RIMS2: variants seen among roughly 807,000 people sequenced by gnomAD.
The protein encoded by RIMS2 is regulating synaptic membrane exocytosis protein 2.
RIMS2 carries 59 observed loss-of-function variants against 174.4 expected under a neutral mutation model. The observed-to-expected ratio is 0.34, with a 90% CI of 0.27 to 0.42. RIMS2 has a LOEUF of 0.42. RIMS2 is among the 10% of genes least tolerant of loss of function. The pLI is 1.00. For synonymous variants in RIMS2, 606 were observed against 572.5 expected (o/e 1.06, Z -0.84); for missense variants, 1,620 against 1,666.3 (o/e 0.97, Z 0.48).
intron 19 of RIMS2, among the ~76,000 whole-genome samples, chr8:104,142,825 C>T (rs958156428): frequency 5.3e-5 from 8 of 152,134 alleles, no homozygotes; most frequent in African/African-American, 1.2e-4. Flanking sequence ...CAGACACACG[C>T]GTGCACCCTC....
intron 3 of RIMS2, among the ~76,000 whole-genome samples, chr8:103,788,607 T>C (rs1429387774): frequency 1.3e-5 from 2 of 152,008 alleles, no homozygotes; most frequent in African/African-American, 4.8e-5. Flanking sequence ...AGGGACCCAC[T>C]CGAGGAGACA....
At chr8:103,508,150 C>T (rs758638216) in intron 1 of RIMS2, among the ~76,000 whole-genome samples, 3 of 152,106 alleles carry the variant, frequency 2.0e-5, no homozygotes, top group East Asian at 1.9e-4. Context: ...TCTCTAGTCA[C>T]CTAATGAAAT....
intron 19 of RIMS2, among the ~76,000 whole-genome samples, chr8:104,095,222 C>T (rs1278042312): frequency 6.6e-6 from 1 of 152,078 alleles, no homozygotes; most frequent in Non-Finnish European, 1.5e-5. Context: ...AATGAGAAAA[C>T]AGGTAGCAAA....
At chr8:103,689,681 C>A (rs1590382305) in intron 1 of RIMS2, among the ~76,000 whole-genome samples, 1 of 152,026 alleles carries the variant, frequency 6.6e-6, no homozygotes, top group African/African-American at 2.4e-5. Flanking sequence ...GTTACTCCTG[C>A]TCCTTTTTTG....
chr8:103,703,388 C>T (rs1449980080), intron 2 of RIMS2, among the ~76,000 whole-genome samples: 1 of 152,108 alleles, frequency 6.6e-6, no homozygotes, highest in Non-Finnish European at 1.5e-5. Context: ...CAGTCGTACA[C>T]CACCATACCC....
At chr8:103,981,709 G>C (rs778741735) in intron 16 of RIMS2, among the ~76,000 whole-genome samples, 2 of 151,950 alleles carry the variant, frequency 1.3e-5, no homozygotes, top group African/African-American at 4.8e-5. Context: ...AAATAATCAA[G>C]TGGATATTCT....
chr8:103,835,049 G>C (rs2098865835), intron 3 of RIMS2, among the ~76,000 whole-genome samples: 1 of 151,506 alleles, frequency 6.6e-6, no homozygotes, highest in African/African-American at 2.4e-5. Context: ...GGGATTACAG[G>C]CATGAGCCCA....
At chr8:104,076,225 T>C (rs916498185) in intron 19 of RIMS2, among the ~76,000 whole-genome samples, 1 of 152,164 alleles carries the variant, frequency 6.6e-6, no homozygotes, top group Non-Finnish European at 1.5e-5. Context: ...AATGGTTATA[T>C]AGCCTAATTA....
chr8:104,046,123 T>A (rs2096689721), intron 19 of RIMS2, among the ~76,000 whole-genome samples: 1 of 152,080 alleles, frequency 6.6e-6, no homozygotes, highest in South Asian at 2.1e-4. Flanking sequence ...AAAATTTATT[T>A]CTTACAATTC....
At chr8:103,507,077 C>T (rs753473623) in intron 1 of RIMS2, among the ~76,000 whole-genome samples, 1 of 151,996 alleles carries the variant, frequency 6.6e-6, no homozygotes. Flanking sequence ...CCCAGAGAAC[C>T]GTATTAGGTT....
chr8:104,050,533 C>G (rs1299580386), intron 19 of RIMS2, among the ~76,000 whole-genome samples: 1 of 151,950 alleles, frequency 6.6e-6, no homozygotes, highest in Non-Finnish European at 1.5e-5. Flanking sequence ...GTAAAGTAGC[C>G]AGGAAATACA....
rs570003373 is a variant in RIMS2, at chr8:103,786,577, G to A, written c.698+20040G>A. 5.3e-5 allele frequency among the ~76,000 whole-genome samples: 8 copies of A among 152,236 alleles called. 1 individual carries two copies. In the East Asian group the frequency reaches 7.7e-4, roughly 15 times the overall value. On this transcript the variant is annotated intron_variant, in intron 3 of 23. Coordinates refer to ENST00000504942, the Ensembl canonical transcript of RIMS2. ...TTGTTCAGTTTTCATGTAGTTGAGC[G>A]GTTTTGAATGAGATTCTTAATCCTG...
chr8:103,823,519 C>T (rs12541306), intron 3 of RIMS2, among the ~76,000 whole-genome samples: 61,152 of 151,622 alleles, frequency 0.4, 12,743 homozygotes, highest in African/African-American at 0.44. Flanking sequence ...TTAGTTTAAG[C>T]GGATTCTTTT....
At chr8:103,665,276 G>A (rs1315631796) in intron 1 of RIMS2, among the ~76,000 whole-genome samples, 1 of 152,134 alleles carries the variant, frequency 6.6e-6, no homozygotes, top group Non-Finnish European at 1.5e-5. Context: ...AAAGTATAAT[G>A]AAAAAATGTG....
chr8:103,844,435 A>G (rs13250371), intron 3 of RIMS2, among the ~76,000 whole-genome samples: 19,898 of 152,182 alleles, frequency 0.13, 1,761 homozygotes, highest in Non-Finnish European at 0.2. Context: ...GCTGTACTCA[A>G]ACTGAACTGT....
intron 3 of RIMS2, among the ~76,000 whole-genome samples, chr8:103,860,565 A>G (rs1212927161): frequency 3.3e-5 from 5 of 152,152 alleles, no homozygotes; most frequent in Admixed American, 6.6e-5. Context: ...CACCATGTAT[A>G]GTATTTAGCA....
At chr8:104,198,772 C>T (rs916024735) in intron 19 of RIMS2, among the ~76,000 whole-genome samples, 1 of 152,140 alleles carries the variant, frequency 6.6e-6, no homozygotes, top group Admixed American at 6.5e-5. Context: ...TAGGTCCAGT[C>T]CTCGTCACCA....
chr8:103,562,894 G>A (rs962080677), intron 1 of RIMS2, among the ~76,000 whole-genome samples: 8 of 152,172 alleles, frequency 5.3e-5, no homozygotes, highest in African/African-American at 1.9e-4. Context: ...ACACCATGTG[G>A]AAGCTGCCAA....
intron 17 of RIMS2, among the ~76,000 whole-genome samples, chr8:103,996,149 T>C (rs988095700): frequency 1.3e-5 from 2 of 151,944 alleles, no homozygotes; most frequent in South Asian, 2.1e-4. Context: ...TAGAGGTACC[T>C]GAGAGACTGC....
Sources: gnomAD v4.1 joint callset for allele counts (sites outside exome capture counted in the v4.1 genomes callset) on GRCh38, gnomAD v4.1.1 for gene constraint, MANE v1.5 for transcripts, NCBI Gene and HGNC (gene_info 2026-07-23, HGNC 2026-07-21) for gene names.